RICTOR: variants seen among roughly 807,000 people sequenced by gnomAD.
RICTOR encodes the protein RPTOR independent companion of MTOR complex 2.
Under a neutral mutation model 214.9 loss-of-function variants are expected in RICTOR, and 49 were observed. The ratio of observed to expected loss-of-function variants is 0.23; its 90% CI spans 0.18 to 0.29. The LOEUF (loss-of-function observed/expected upper bound fraction) is 0.29. RICTOR is among the 10% of genes least tolerant of loss of function. The pLI, the probability that RICTOR is intolerant of heterozygous loss-of-function variation, is 1.00. For synonymous variants in RICTOR, 717 were observed against 711.3 expected, an observed-to-expected ratio of 1.01 and a Z score of -0.13; for missense variants, 1,625 against 2,047.0, an observed-to-expected ratio of 0.79 and a Z score of 3.98.
intron 3 of RICTOR, among the ~76,000 whole-genome samples, chr5:39,007,813 T>C (rs931575948): frequency 6.6e-6 from 1 of 150,502 alleles, no homozygotes; most frequent in Non-Finnish European, 1.5e-5. Context: ...AAAATAGTTT[T>C]AAATATTGTA....
intron 22 of RICTOR, 122 bp downstream of exon 22, chr5:38,959,073 A>T: frequency 9.6e-6 from 8 of 837,296 alleles, no homozygotes; most frequent in Non-Finnish European, 1.4e-5. Context: ...AGAAACTAAA[A>T]TTTTAAAGTA....
intron 9 of RICTOR, among the ~76,000 whole-genome samples, chr5:38,978,144 T>C (rs1015461902): frequency 1.5e-5 from 2 of 135,710 alleles, no homozygotes; most frequent in East Asian, 2.3e-4. Flanking sequence ...AATTATACTG[T>C]CTCATTTCTA....
intron 5 of RICTOR, among the ~76,000 whole-genome samples, chr5:38,999,477 G>A (rs912084155): frequency 2.6e-5 from 4 of 151,784 alleles, no homozygotes; most frequent in Non-Finnish European, 4.4e-5. Flanking sequence ...CAAAATAGAG[G>A]GATTTACAGA....
intron 6 of RICTOR, among the ~76,000 whole-genome samples, chr5:38,991,484 T>A (rs1752771986): frequency 6.6e-6 from 1 of 152,030 alleles, no homozygotes; most frequent in South Asian, 2.1e-4. Context: ...CATCACCAAG[T>A]CCTACCAATT....
At chr5:38,951,287 A>G (rs1239588087) in intron 30 of RICTOR, among the ~76,000 whole-genome samples, 1 of 152,032 alleles carries the variant, frequency 6.6e-6, no homozygotes, top group Non-Finnish European at 1.5e-5. Context: ...AACCCAAGTG[A>G]GTGCCTAATG....
At chr5:39,002,950 C>T (rs936086682) in intron 4 of RICTOR, among the ~76,000 whole-genome samples, 6 of 152,008 alleles carry the variant, frequency 3.9e-5, no homozygotes, top group Non-Finnish European at 8.8e-5. Context: ...ACAATGGAAA[C>T]AGCCTTTGTT....
rs1025077143 is a variant in RICTOR, at chr5:39,033,421, G to A, written c.98-12285C>T. Among the ~76,000 whole-genome samples the A allele has an allele frequency of 9.9e-5, 15 of 152,022 alleles. 1 individual carries two copies. The highest frequency in any genetic ancestry group is 2.9e-4 in the African/African-American group (12 of 41,460). ...TGGGATTACAGGTGTGTGCCACCAC[G>A]CCTGGCTAATTTTTGTATTTTTAGT... On this transcript the variant is annotated intron_variant, in intron 2 of 37. Coordinates refer to ENST00000357387, the MANE Select transcript of RICTOR (RefSeq NM_152756.5).
intron 24 of RICTOR, among the ~76,000 whole-genome samples, chr5:38,958,054 G>A (rs940609113): frequency 6.6e-6 from 1 of 151,946 alleles, no homozygotes; most frequent in African/African-American, 2.4e-5. Context: ...TGGCCAACAT[G>A]GTGAAACTCC....
intron 17 of RICTOR, 89 bp from the exon 18 acceptor site, chr5:38,962,675 G>T: frequency 2.4e-6 from 2 of 840,280 alleles, no homozygotes; most frequent in Non-Finnish European, 1.9e-6. Context: ...ATGAAAGGCA[G>T]CTTTTCCATT....
intron 3 of RICTOR, among the ~76,000 whole-genome samples, chr5:39,004,157 G>GA (rs1371454668): frequency 6.6e-6 from 1 of 151,922 alleles, no homozygotes; most frequent in Non-Finnish European, 1.5e-5. Context: ...TCATCATTTT[G>GA]ATGGTTCCTT....
At position 38,938,842 on chromosome 5, in the gene RICTOR, CTT is replaced by C. The variant is rs1747233317; in HGVS notation, c.*3460_*3461del. 4.3e-6 allele frequency: 1 copy of C among 232,946 alleles called. No homozygotes were observed. The highest frequency in any genetic ancestry group is 8.5e-6 in the Non-Finnish European group (1 of 117,688). The allele number at this position is 232,946 out of a possible 1,614,324, so 14.4% of individuals were successfully genotyped here. On this transcript the variant is annotated 3_prime_UTR_variant, in exon 38 of 38. Coordinates refer to ENST00000357387, the MANE Select transcript of RICTOR (RefSeq NM_152756.5). ...TGCAGAGACAATGGAGACTTCCTAACTTACATTTTGGAAAATCTGAAATGTTG... is the reference window on the plus strand; with the variant it reads ...TGCAGAGACAATGGAGACTTCCTAACACATTTTGGAAAATCTGAAATGTTG...
chr5:39,016,334 G>A (rs550923698), intron 3 of RICTOR, among the ~76,000 whole-genome samples: 2 of 148,640 alleles, frequency 1.3e-5, no homozygotes, highest in East Asian at 4.1e-4. Flanking sequence ...AACAGAGAAG[G>A]GGGGAGAGGG....
At chr5:39,024,848 T>C (rs1755691095) in intron 2 of RICTOR, among the ~76,000 whole-genome samples, 1 of 152,222 alleles carries the variant, frequency 6.6e-6, no homozygotes, top group African/African-American at 2.4e-5. Context: ...AACCACAATC[T>C]TGTTACAAAG....
intron 3 of RICTOR, among the ~76,000 whole-genome samples, chr5:39,011,066 C>T (rs1277861975): frequency 1.3e-5 from 2 of 152,164 alleles, no homozygotes; most frequent in African/African-American, 4.8e-5. Context: ...TTCATGGCAG[C>T]CCCTCCCATC....
At chr5:39,052,512 C>T (rs1757921472) in intron 2 of RICTOR, among the ~76,000 whole-genome samples, 1 of 151,980 alleles carries the variant, frequency 6.6e-6, no homozygotes, top group Admixed American at 6.5e-5. Context: ...GGGTTATCTG[C>T]ATAAAAAAAG....
chr5:39,011,924 G>A (rs1484956272), intron 3 of RICTOR, among the ~76,000 whole-genome samples: 1 of 152,130 alleles, frequency 6.6e-6, no homozygotes, highest in African/African-American at 2.4e-5. Flanking sequence ...GGTTAATGCT[G>A]GAAAGAGTTA....
At chr5:38,968,965 G>GTT (rs70982522) in intron 11 of RICTOR, among the ~76,000 whole-genome samples, 1 of 95,500 alleles carries the variant, frequency 1.0e-5, no homozygotes, top group African/African-American at 4.2e-5. Flanking sequence ...CGGGGGAGGA[G>GTT]TTTTTTTTTT....
At position 38,942,106 on chromosome 5, in the gene RICTOR, C is replaced by A; in HGVS notation, c.*198G>T. 1 of 404,886 alleles carries A rather than the reference C, an allele frequency of 2.5e-6. No individual in the cohort carries two copies. The allele number at this position is 404,886 out of a possible 1,614,324, so 25.1% of individuals were successfully genotyped here. A position where few individuals can be genotyped will look rare whatever the true frequency, so the allele number is the denominator to read the frequency against. ...AATGAATCATGAACCCCTCAAAAGG[C>A]TCAACAAAGGAGAGAAGGAAGTTGT... On this transcript the variant is annotated 3_prime_UTR_variant, in exon 38 of 38. Coordinates refer to ENST00000357387, the MANE Select transcript of RICTOR (RefSeq NM_152756.5).
rs138167467 is a variant in RICTOR, at chr5:38,951,221, T to C, written c.3128-501A>G. On this transcript the variant is annotated intron_variant, in intron 30 of 37. Transcript: ENST00000357387. The stretch of plus-strand genomic sequence containing the variant: ...TTTAAATTATGTTTATTTCTCATTT[T>C]ACCTTAGATACTAAGAAACTCATTA... 5.8e-3 allele frequency among the ~76,000 whole-genome samples: 878 copies of C among 152,104 alleles called. 1 individual carries two copies. Among genetic ancestry groups the C allele is most frequent in the South Asian group, 0.013 (65 of 4,828 alleles).
Sources: gnomAD v4.1 joint callset for allele counts (sites outside exome capture counted in the v4.1 genomes callset) on GRCh38, gnomAD v4.1.1 for gene constraint, MANE v1.5 for transcripts, NCBI Gene and HGNC (gene_info 2026-07-23, HGNC 2026-07-21) for gene names.